DACH2: variants seen among roughly 807,000 people sequenced by gnomAD.
DACH2 encodes the protein dachshund homolog 2.
Under a neutral mutation model 35.8 loss-of-function variants are expected in DACH2, and 17 were observed. That is an observed-to-expected ratio of 0.48 (90% CI 0.33 to 0.71). The LOEUF is 0.71. DACH2 is among the 30% of genes least tolerant of loss of function. The pLI is 0.02. For synonymous variants in DACH2, 195 were observed against 177.3 expected, an observed-to-expected ratio of 1.10 and a Z score of -0.79; for missense variants, 469 against 472.7, an observed-to-expected ratio of 0.99 and a Z score of 0.07.
chrX:86,801,891 A>G (rs2042297757), intron 7 of DACH2, among the ~76,000 whole-genome samples: 1 of 111,570 alleles, frequency 9.0e-6, no homozygotes, highest in Non-Finnish European at 1.9e-5. Flanking sequence ...TGTTTCCTGA[A>G]TCTATGTTAC....
At chrX:86,349,939 G>A (rs2035565127) in intron 1 of DACH2, among the ~76,000 whole-genome samples, 1 of 111,769 alleles carries the variant, frequency 8.9e-6, no homozygotes, top group Non-Finnish European at 1.9e-5. Context: ...GCTGACGTGG[G>A]CTGATCACTT....
chrX:86,424,435 G>A (rs897076140), intron 2 of DACH2, among the ~76,000 whole-genome samples: 1 of 110,717 alleles, frequency 9.0e-6, no homozygotes, highest in East Asian at 2.8e-4. Flanking sequence ...TTAAATTTAT[G>A]TGTGGGTATT....
chrX:86,445,999 C>T (rs936460991), intron 2 of DACH2, among the ~76,000 whole-genome samples: 1 of 111,348 alleles, frequency 9.0e-6, no homozygotes, highest in Non-Finnish European at 1.9e-5. Context: ...CCCTTAAGAA[C>T]TATTAATATT....
intron 1 of DACH2, among the ~76,000 whole-genome samples, chrX:86,368,254 C>T (rs1201297471): frequency 2.7e-5 from 3 of 112,119 alleles, no homozygotes; most frequent in African/African-American, 9.7e-5. Context: ...GTGCTTATCA[C>T]TCACAGATAT....
chrX:86,686,273 G>T (rs113949657), intron 4 of DACH2, among the ~76,000 whole-genome samples: 67 of 110,033 alleles, frequency 6.1e-4, no homozygotes, highest in Non-Finnish European at 1.1e-3. Flanking sequence ...TCACTCTGTC[G>T]CCAGGCTGGA....
intron 3 of DACH2, among the ~76,000 whole-genome samples, chrX:86,627,846 A>T (rs952369368): frequency 4.4e-5 from 5 of 112,441 alleles, no homozygotes; most frequent in African/African-American, 1.6e-4. Context: ...GCATAAACTG[A>T]TGATAAAGAA....
chrX:86,227,194 G>A (rs891439983), intron 1 of DACH2, among the ~76,000 whole-genome samples: 1 of 111,233 alleles, frequency 9.0e-6, no homozygotes, highest in African/African-American at 3.3e-5. Context: ...AATATGAAAC[G>A]GGTTTTATGA....
chrX:86,201,831 A>T (rs374295234), intron 1 of DACH2, among the ~76,000 whole-genome samples: 1 of 110,736 alleles, frequency 9.0e-6, no homozygotes, highest in East Asian at 2.8e-4. Context: ...CTAGAAGTAT[A>T]CTTCCTTCTA....
intron 1 of DACH2, among the ~76,000 whole-genome samples, chrX:86,155,053 A>G (rs1387117738): frequency 9.0e-6 from 1 of 111,203 alleles, no homozygotes; most frequent in African/African-American, 3.3e-5. Context: ...CTCTACATTA[A>G]TATTTAATCA....
At chrX:86,294,719 C>T (rs1452234667) in intron 1 of DACH2, among the ~76,000 whole-genome samples, 1 of 110,318 alleles carries the variant, frequency 9.1e-6, no homozygotes, top group African/African-American at 3.3e-5. Flanking sequence ...GGGTGCCTCC[C>T]AGTTAGGCTG....
chrX:86,296,764 T>A (rs187070701), intron 1 of DACH2, among the ~76,000 whole-genome samples: 1 of 110,850 alleles, frequency 9.0e-6, no homozygotes, highest in Non-Finnish European at 1.9e-5. Context: ...TACTGGAGAC[T>A]TTACACATTT....
chrX:86,214,311 G>A (rs2032518659), intron 1 of DACH2, among the ~76,000 whole-genome samples: 1 of 112,147 alleles, frequency 8.9e-6, no homozygotes. Context: ...CTTGAGCCAA[G>A]CATTCAGCCT....
At chrX:86,201,495 T>C (rs1047205522) in intron 1 of DACH2, among the ~76,000 whole-genome samples, 2 of 111,596 alleles carry the variant, frequency 1.8e-5, no homozygotes, top group Admixed American at 1.9e-4. Flanking sequence ...AAATCAATTT[T>C]CTCAGTTGTG....
chrX:86,343,464 T>A (rs1463051828), intron 1 of DACH2, among the ~76,000 whole-genome samples: 4 of 111,715 alleles, frequency 3.6e-5, no homozygotes, highest in Non-Finnish European at 7.5e-5. Context: ...GAGCTGTGAC[T>A]TAGAGTTTGA....
chrX:86,382,905 G>T (rs1445502147), intron 2 of DACH2, among the ~76,000 whole-genome samples: 1 of 110,843 alleles, frequency 9.0e-6, no homozygotes, highest in Non-Finnish European at 1.9e-5. Flanking sequence ...GGGCCTGTTT[G>T]TTAACGGACT....
At chrX:86,415,078 C>CTCT (rs2036680596) in intron 2 of DACH2, among the ~76,000 whole-genome samples, 1 of 111,771 alleles carries the variant, frequency 8.9e-6, no homozygotes, top group Non-Finnish European at 1.9e-5. Context: ...ATGGCTTTGA[C>CTCT]AACCATATCA....
At chrX:86,285,576 C>G (rs1487196403) in intron 1 of DACH2, among the ~76,000 whole-genome samples, 3 of 111,689 alleles carry the variant, frequency 2.7e-5, no homozygotes, top group African/African-American at 6.5e-5. Flanking sequence ...GTTTTATGAC[C>G]TAAGATATGG....
At chrX:86,281,877 A>G (rs764262603) in intron 1 of DACH2, among the ~76,000 whole-genome samples, 1 of 112,191 alleles carries the variant, frequency 8.9e-6, no homozygotes, top group East Asian at 2.8e-4. Flanking sequence ...AGAGAACCAA[A>G]TCATGAGTGA....
intron 11 of DACH2, among the ~76,000 whole-genome samples, chrX:86,823,630 A>G (rs959006209): frequency 5.4e-5 from 6 of 111,778 alleles, no homozygotes; most frequent in Non-Finnish European, 1.1e-4. Context: ...CTATCAGGGG[A>G]ACCCGCCCCC....
Sources: allele counts gnomAD v4.1 joint callset (sites outside exome capture counted in the v4.1 genomes callset), GRCh38; gene constraint gnomAD v4.1.1; transcripts MANE v1.5; gene names NCBI Gene and HGNC (gene_info 2026-07-23, HGNC 2026-07-21).